TPD52L1: variants seen among roughly 807,000 people sequenced by gnomAD.
TPD52L1 encodes the protein TPD52 like 1.
Under a neutral mutation model 28.7 loss-of-function variants are expected in TPD52L1, and 18 were observed. That is an observed-to-expected ratio of 0.63 (90% CI 0.43 to 0.93). TPD52L1 has a LOEUF of 0.93. Ranked by LOEUF, TPD52L1 falls within the 40% of genes least tolerant of loss-of-function variation. TPD52L1 has a pLI of 0.00. For missense variants in TPD52L1, 203 were observed against 254.8 expected (o/e 0.80, Z 1.39); for synonymous variants, 75 against 88.8 (o/e 0.84, Z 0.88).
rs1202561174 is a variant in TPD52L1, at chr6:125,229,350, G to T, written c.284+84G>T. Reference sequence around the variant, plus strand: ...TGTTTTGTTTCATTTTTCCTACAAGGCTGATTTGGTGCATGAAGCTAGGAA... The same window carrying T: ...TGTTTTGTTTCATTTTTCCTACAAGTCTGATTTGGTGCATGAAGCTAGGAA... On this transcript the variant is annotated intron_variant, in intron 3 of 6. Coordinates refer to ENST00000534000, the MANE Select transcript of TPD52L1 (RefSeq NM_003287.4). 20 of 1,381,832 alleles carry T rather than the reference G, an allele frequency of 1.4e-5. No individual in the cohort carries two copies. In the Admixed American group the frequency reaches 1.6e-4, roughly 11 times the overall value. 85.6% of individuals were successfully genotyped at this position (1,381,832 alleles called of 1,614,324 possible). A position where few individuals can be genotyped will look rare whatever the true frequency, so the allele number is the denominator to read the frequency against.
At chr6:125,210,786 C>T (rs1794441497) in intron 1 of TPD52L1, among the ~76,000 whole-genome samples, 1 of 152,270 alleles carries the variant, frequency 6.6e-6, no homozygotes, top group South Asian at 2.1e-4. Flanking sequence ...AGGCATTTTA[C>T]AAAACTGTAA....
At chr6:125,165,823 C>A (rs1444113281) in intron 1 of TPD52L1, among the ~76,000 whole-genome samples, 1 of 152,106 alleles carries the variant, frequency 6.6e-6, no homozygotes, top group Non-Finnish European at 1.5e-5. Context: ...AGATGTAATT[C>A]TTAGAACCAG....
chr6:125,208,676 A>G (rs1335575572), intron 1 of TPD52L1, among the ~76,000 whole-genome samples: 1 of 152,160 alleles, frequency 6.6e-6, no homozygotes. Flanking sequence ...ATGCTAGGAC[A>G]TGTGGAGGTT....
At chr6:125,156,463 C>CAAAAAAAAAAAA (rs758623258) in intron 1 of TPD52L1, among the ~76,000 whole-genome samples, 1,818 of 36,708 alleles carry the variant, frequency 0.05, 38 homozygotes, top group Non-Finnish European at 0.062. Flanking sequence ...GACCTTGTCT[C>CAAAAAAAAAAAA]AAAAAAAAAA....
Position 125,199,423 on chromosome 6 carries a change from G to A in TPD52L1, c.20-20655G>A, listed in dbSNP as rs182608899. Among the ~76,000 whole-genome samples, 178 of 152,334 alleles carry A rather than the reference G, an allele frequency of 1.2e-3. 1 individual carries two copies. The highest frequency in any genetic ancestry group is 4.0e-3 in the African/African-American group (167 of 41,570). On this transcript the variant is annotated intron_variant, in intron 1 of 6. Transcript: ENST00000534000. ...AAAGAGGCCAGGCGCAGTGGCTCAC[G>A]CCTGTAATCCCAACACTTTGGGAGG... is the stretch of plus-strand genomic sequence containing the variant.
chr6:125,246,582 T>C (rs963062185), intron 3 of TPD52L1, among the ~76,000 whole-genome samples: 1 of 152,214 alleles, frequency 6.6e-6, no homozygotes, highest in African/African-American at 2.4e-5. Context: ...AAAAATGTTT[T>C]TCCAAAATTA....
intron 3 of TPD52L1, among the ~76,000 whole-genome samples, chr6:125,243,335 A>G (rs1375269115): frequency 1.3e-5 from 2 of 152,050 alleles, no homozygotes; most frequent in Non-Finnish European, 2.9e-5. Flanking sequence ...AGCTTCTTGT[A>G]TTTCATTGTC....
At chr6:125,164,273 T>C (rs1450634272) in intron 1 of TPD52L1, among the ~76,000 whole-genome samples, 2 of 152,230 alleles carry the variant, frequency 1.3e-5, no homozygotes, top group Non-Finnish European at 2.9e-5. Context: ...TCTGGGAATA[T>C]GAATGGGACT....
chr6:125,235,990 T>C (rs978875208), intron 3 of TPD52L1, among the ~76,000 whole-genome samples: 1 of 152,192 alleles, frequency 6.6e-6, no homozygotes, highest in Non-Finnish European at 1.5e-5. Flanking sequence ...CTCTGAACAC[T>C]GGTACTGTAG....
chr6:125,158,008 G>T (rs530903613), intron 1 of TPD52L1, among the ~76,000 whole-genome samples: 1 of 152,186 alleles, frequency 6.6e-6, no homozygotes, highest in Non-Finnish European at 1.5e-5. Flanking sequence ...TTCTTGGGCT[G>T]CATCACTCCA....
intron 1 of TPD52L1, among the ~76,000 whole-genome samples, chr6:125,187,977 G>T (rs1236928228): frequency 1.3e-5 from 2 of 151,840 alleles, no homozygotes; most frequent in African/African-American, 4.8e-5. Context: ...GCTGGGGTAT[G>T]GTGGAGAGTG....
intron 1 of TPD52L1, among the ~76,000 whole-genome samples, chr6:125,160,263 C>T (rs1790433880): frequency 6.6e-6 from 1 of 152,102 alleles, no homozygotes; most frequent in Non-Finnish European, 1.5e-5. Flanking sequence ...TTAAAATATT[C>T]AAGAAACCAT....
At chr6:125,199,453 G>A (rs1793657402) in intron 1 of TPD52L1, among the ~76,000 whole-genome samples, 1 of 152,188 alleles carries the variant, frequency 6.6e-6, no homozygotes, top group South Asian at 2.1e-4. Flanking sequence ...GGGAGGCTGC[G>A]GCGGGCAGAA....
chr6:125,258,437 G>A (rs143452419), intron 6 of TPD52L1, among the ~76,000 whole-genome samples: 29 of 152,152 alleles, frequency 1.9e-4, no homozygotes, highest in African/African-American at 7.0e-4. Flanking sequence ...CTTCTTGCTA[G>A]AAGATCAAAA....
intron 2 of TPD52L1, among the ~76,000 whole-genome samples, chr6:125,225,348 C>A (rs1461975242): frequency 6.6e-6 from 1 of 152,116 alleles, no homozygotes; most frequent in African/African-American, 2.4e-5. Flanking sequence ...GTTCTCAATT[C>A]TTTGGGGTAT....
intron 1 of TPD52L1, among the ~76,000 whole-genome samples, chr6:125,192,042 G>C (rs1021591698): frequency 1.3e-5 from 2 of 152,168 alleles, no homozygotes; most frequent in Non-Finnish European, 2.9e-5. Context: ...GCATGCCAGG[G>C]GGGAAGAAAG....
chr6:125,217,609 C>A (rs752444911), intron 1 of TPD52L1, among the ~76,000 whole-genome samples: 51 of 152,266 alleles, frequency 3.3e-4, no homozygotes, highest in Admixed American at 7.2e-4. Context: ...TCGCACACCT[C>A]TCACCTCCCG....
chr6:125,181,160 C>A (rs535799991), intron 1 of TPD52L1, among the ~76,000 whole-genome samples: 104 of 152,104 alleles, frequency 6.8e-4, no homozygotes, highest in African/African-American at 2.4e-3. Flanking sequence ...ATTTTATTTA[C>A]TTATATACTA....
chr6:125,237,039 G>GT (rs1253232692), intron 3 of TPD52L1, among the ~76,000 whole-genome samples: 4 of 152,196 alleles, frequency 2.6e-5, no homozygotes, highest in African/African-American at 9.6e-5. Context: ...AGACCCTAAG[G>GT]TAGGAGGGGG....
Sources: gnomAD v4.1 joint callset for allele counts (sites outside exome capture counted in the v4.1 genomes callset) on GRCh38, gnomAD v4.1.1 for gene constraint, MANE v1.5 for transcripts, NCBI Gene and HGNC (gene_info 2026-07-23, HGNC 2026-07-21) for gene names.